The following RIT2 variants were observed in gnomAD, a reference collection of about 807,000 sequenced individuals.
RIT2 encodes Ras like without CAAX 2, also known as GTP-binding protein Rit2.
In RIT2, 24 loss-of-function variants were observed where a neutral mutation model predicts 23.7. The ratio of observed to expected loss-of-function variants is 1.01; its 90% CI spans 0.73 to 1.43. The LOEUF (loss-of-function observed/expected upper bound fraction) is 1.43, where lower values mean the gene tolerates loss of function less well. RIT2 is among the 40% of genes most tolerant of loss of function. RIT2 has a pLI of 0.00. For synonymous variants in RIT2, 107 were observed against 91.1 expected (o/e 1.17, Z -0.99); for missense variants, 236 against 266.9 (o/e 0.88, Z 0.81).
chr18:42,957,279 A>G (rs932959432), intron 3 of RIT2, among the ~76,000 whole-genome samples: 2 of 152,226 alleles, frequency 1.3e-5, no homozygotes, highest in African/African-American at 2.4e-5. Flanking sequence ...CGATTAAAGT[A>G]GAACAAGAAT....
chr18:43,048,840 T>C (rs1365601902), intron 1 of RIT2, among the ~76,000 whole-genome samples: 1 of 152,194 alleles, frequency 6.6e-6, no homozygotes, highest in Non-Finnish European at 1.5e-5. Flanking sequence ...CTTTAATGAA[T>C]ACACCTTGTT....
intron 3 of RIT2, among the ~76,000 whole-genome samples, chr18:42,960,712 C>T (rs188683534): frequency 6.4e-4 from 97 of 152,300 alleles, no homozygotes; most frequent in East Asian, 3.9e-4. Flanking sequence ...TTCCTAACTA[C>T]ATTTTATTAA....
chr18:42,791,300 T>A (rs762427967), intron 4 of RIT2, among the ~76,000 whole-genome samples: 1 of 152,204 alleles, frequency 6.6e-6, no homozygotes, highest in Non-Finnish European at 1.5e-5. Flanking sequence ...TAGATATGTA[T>A]CTTCAGTTCT....
intron 2 of RIT2, among the ~76,000 whole-genome samples, chr18:43,006,336 G>GCACCATTTA (rs1911228594): frequency 6.6e-6 from 1 of 151,494 alleles, no homozygotes; most frequent in African/African-American, 2.4e-5. Flanking sequence ...GAAGAAAGAG[G>GCACCATTTA]AGGAAGAAGA....
At chr18:42,784,824 T>C (rs774837652) in intron 4 of RIT2, among the ~76,000 whole-genome samples, 9 of 152,084 alleles carry the variant, frequency 5.9e-5, no homozygotes, top group Non-Finnish European at 2.9e-5. Flanking sequence ...TTATAGAACA[T>C]TGAATGCACT....
At chr18:42,870,921 A>G (rs1907607315) in intron 4 of RIT2, among the ~76,000 whole-genome samples, 1 of 152,196 alleles carries the variant, frequency 6.6e-6, no homozygotes, top group African/African-American at 2.4e-5. Flanking sequence ...ATTTCCCATA[A>G]AAGACTGAAT....
At chr18:42,980,974 A>G (rs1910585242) in intron 2 of RIT2, among the ~76,000 whole-genome samples, 3 of 152,174 alleles carry the variant, frequency 2.0e-5, no homozygotes, top group Admixed American at 2.0e-4. Context: ...CTCATATGTT[A>G]GAAACATTTA....
chr18:42,882,743 A>G (rs866286765), intron 4 of RIT2, among the ~76,000 whole-genome samples: 4 of 152,286 alleles, frequency 2.6e-5, no homozygotes, highest in Middle Eastern at 3.4e-3. Context: ...TCTTCTCCAG[A>G]AGAGGACCAC....
intron 1 of RIT2, among the ~76,000 whole-genome samples, chr18:43,062,402 T>A (rs1912669347): frequency 1.3e-5 from 2 of 152,160 alleles, no homozygotes. Flanking sequence ...ATTCTACACA[T>A]TCCCATACAG....
chr18:43,018,184 C>G (rs137892707), intron 2 of RIT2, among the ~76,000 whole-genome samples: 1 of 151,882 alleles, frequency 6.6e-6, no homozygotes, highest in Non-Finnish European at 1.5e-5. Flanking sequence ...GCCCCTAACG[C>G]GAAGAGTGAT....
chr18:42,797,074 A>G (rs540595121), intron 4 of RIT2, among the ~76,000 whole-genome samples: 1 of 152,320 alleles, frequency 6.6e-6, no homozygotes, highest in Non-Finnish European at 1.5e-5. Flanking sequence ...ATTAAATAAA[A>G]TAAACAGTAT....
intron 3 of RIT2, among the ~76,000 whole-genome samples, chr18:42,937,837 T>C (rs1909500140): frequency 1.3e-5 from 2 of 152,104 alleles, no homozygotes; most frequent in Non-Finnish European, 2.9e-5. Context: ...AAAATAGTAA[T>C]TGTAACTATT....
chr18:43,030,610 C>T (rs1911831583), intron 2 of RIT2, among the ~76,000 whole-genome samples: 5 of 151,842 alleles, frequency 3.3e-5, no homozygotes, highest in Admixed American at 3.3e-4. Context: ...TGTGTAGAAA[C>T]CAATTTTAAA....
intron 1 of RIT2, among the ~76,000 whole-genome samples, chr18:43,060,267 T>A (rs1329209643): frequency 6.6e-6 from 1 of 152,102 alleles, no homozygotes; most frequent in Non-Finnish European, 1.5e-5. Context: ...TGATACCCTG[T>A]CCAGTATTAC....
intron 1 of RIT2, among the ~76,000 whole-genome samples, chr18:43,106,079 T>G (rs1180621475): frequency 6.6e-6 from 1 of 152,172 alleles, no homozygotes; most frequent in Non-Finnish European, 1.5e-5. Context: ...ATCTATTAAT[T>G]AGAGATATTA....
rs374917484 is a variant in RIT2, at chr18:42,931,021, C to A, written c.235-7258G>T. The stretch of plus-strand genomic sequence containing the variant: ...CAGGCATGCACAGTACTGAACTGTC[C>A]TCAGATTTTGGCACTTATGCCTCTT... On this transcript the variant is annotated intron_variant, in intron 3 of 4. Coordinates refer to ENST00000326695, the MANE Select transcript of RIT2 (RefSeq NM_002930.4). Among the ~76,000 whole-genome samples, 5 of 152,152 alleles carry A rather than the reference C, an allele frequency of 3.3e-5. No homozygotes were observed. The East Asian group carries it at 7.7e-4, about 24-fold the overall frequency.
chr18:43,036,130 A>G (rs987981844), intron 1 of RIT2, among the ~76,000 whole-genome samples: 1 of 152,244 alleles, frequency 6.6e-6, no homozygotes, highest in Non-Finnish European at 1.5e-5. Flanking sequence ...TTAAGAAAGA[A>G]GATATGAAAG....
At chr18:42,970,131 T>C (rs1486636233) in intron 3 of RIT2, among the ~76,000 whole-genome samples, 1 of 152,012 alleles carries the variant, frequency 6.6e-6, no homozygotes, top group East Asian at 1.9e-4. Context: ...CTTAGATAAA[T>C]CACATTACCT....
intron 4 of RIT2, among the ~76,000 whole-genome samples, chr18:42,759,713 AC>A (rs1913253052): frequency 1.5e-3 from 2 of 1,310 alleles, no homozygotes; most frequent in Non-Finnish European, 5.6e-3. Flanking sequence ...TGTTAAATCT[AC>A]ACACACACAC....
Sources: allele counts gnomAD v4.1 joint callset (sites outside exome capture counted in the v4.1 genomes callset), GRCh38; gene constraint gnomAD v4.1.1; transcripts MANE v1.5; gene names NCBI Gene and HGNC (gene_info 2026-07-23, HGNC 2026-07-21).